FUT8: variants seen among roughly 807,000 people sequenced by gnomAD.
The protein encoded by FUT8 is alpha-(1,6)-fucosyltransferase.
FUT8 carries 29 observed loss-of-function variants against 71.3 expected under a neutral mutation model. The observed-to-expected ratio is 0.41, with a 90% CI of 0.30 to 0.55. The LOEUF (loss-of-function observed/expected upper bound fraction) is 0.55, where lower values mean the gene tolerates loss of function less well. Among genes scored for constraint, FUT8 ranks in the 20% least tolerant of loss-of-function variants. The pLI is 0.34. For missense variants in FUT8, 544 were observed against 702.1 expected, an observed-to-expected ratio of 0.77 and a Z score of 2.55; for synonymous variants, 254 against 239.3, an observed-to-expected ratio of 1.06 and a Z score of -0.57.
rs116007601 is a variant in FUT8, at chr14:65,541,517, T to C, written c.-227-19820T>C. 3.5e-3 allele frequency among the ~76,000 whole-genome samples: 531 copies of C among 152,302 alleles called. 2 individuals carry two copies. Among genetic ancestry groups the C allele is most frequent in the African/African-American group, 0.012 (507 of 41,568 alleles). The stretch of plus-strand genomic sequence containing the variant: ...AAGGCCCAACAATTAGTAGCTCTGG[T>C]ATTTGAGAGCAGGAGGTGAAAGTAC... On this transcript the variant is annotated intron_variant, in intron 2 of 10. Transcript: ENST00000673929.
In FUT8 at chr14:65,550,255, C is replaced by G. The variant is rs1594760867; in HGVS notation, c.-227-11082C>G. On this transcript the variant is annotated intron_variant, in intron 2 of 10. Coordinates refer to ENST00000673929, the MANE Select transcript of FUT8 (RefSeq NM_001371533.1). This position sits in a 1 kb window ranked among gnomAD's most constrained non-coding sequence, Gnocchi z 4.5. Reference sequence around the variant, plus strand: ...GAGAGAAGGGAGGAGATACCAGGCTCTTTTTAACAAGATCATTGTGTGTTC... The same window carrying G: ...GAGAGAAGGGAGGAGATACCAGGCTGTTTTTAACAAGATCATTGTGTGTTC... Among the ~76,000 whole-genome samples, 1 of 152,132 alleles carries G rather than the reference C, an allele frequency of 6.6e-6. No individual in the cohort carries two copies. The highest frequency in any genetic ancestry group is 1.9e-4 in the East Asian group (1 of 5,178).
intron 7 of FUT8, among the ~76,000 whole-genome samples, chr14:65,693,508 AGAGAGG>A (rs909511239): frequency 3.3e-5 from 5 of 152,180 alleles, no homozygotes; most frequent in Admixed American, 6.5e-5. Context: ...GACCGTGGAA[AGAGAGG>A]GAGAGGGAGA....
intron 2 of FUT8, among the ~76,000 whole-genome samples, chr14:65,512,907 C>CAAAAAAAA (rs35280167): frequency 3.6e-5 from 3 of 83,908 alleles, no homozygotes; most frequent in South Asian, 3.7e-4. Flanking sequence ...GACTCTGTCT[C>CAAAAAAAA]AAAAAAAAAA....
At chr14:65,696,586 T>C (rs1894008637) in intron 7 of FUT8, among the ~76,000 whole-genome samples, 1 of 152,176 alleles carries the variant, frequency 6.6e-6, no homozygotes, top group Non-Finnish European at 1.5e-5. Flanking sequence ...CTTGATGTTC[T>C]CTAGGTTTTA....
At chr14:65,542,434 G>A (rs1049354559) in intron 2 of FUT8, among the ~76,000 whole-genome samples, 1 of 152,204 alleles carries the variant, frequency 6.6e-6, no homozygotes, top group South Asian at 2.1e-4. Context: ...ATATCAAACT[G>A]AGCCATAGTA....
At chr14:65,560,428 CT>C (rs1469104719) in intron 2 of FUT8, among the ~76,000 whole-genome samples, 1 of 152,112 alleles carries the variant, frequency 6.6e-6, no homozygotes, top group Non-Finnish European at 1.5e-5. Context: ...ATTCTCCCGC[CT>C]TGTCTCCTTC....
At chr14:65,619,333 GGT>G (rs1162950063) in intron 5 of FUT8, among the ~76,000 whole-genome samples, 1 of 152,048 alleles carries the variant, frequency 6.6e-6, no homozygotes, top group Non-Finnish European at 1.5e-5. Context: ...GAGCTGTGGG[GGT>G]AAGACTCCTC....
intron 2 of FUT8, among the ~76,000 whole-genome samples, chr14:65,500,370 A>G (rs1171879667): frequency 6.6e-6 from 1 of 151,976 alleles, no homozygotes; most frequent in Non-Finnish European, 1.5e-5. Context: ...CATCATCATC[A>G]TTTTTTCTTT....
intron 7 of FUT8, among the ~76,000 whole-genome samples, chr14:65,699,198 A>ACACG (rs1894160314): frequency 1.4e-5 from 2 of 145,910 alleles, no homozygotes; most frequent in African/African-American, 2.5e-5. Context: ...ACACACACAC[A>ACACG]CGCCCATGCA....
At chr14:65,513,949 A>T (rs113836882) in intron 2 of FUT8, among the ~76,000 whole-genome samples, 2 of 152,354 alleles carry the variant, frequency 1.3e-5, no homozygotes, top group African/African-American at 4.8e-5. Context: ...TATAAGTAAC[A>T]TACATCCCAT....
chr14:65,425,537 C>T (rs549014270), intron 1 of FUT8, among the ~76,000 whole-genome samples: 1 of 146,628 alleles, frequency 6.8e-6, no homozygotes, highest in East Asian at 2.1e-4. Context: ...GTATAATTGG[C>T]AAATAAAAAT....
At chr14:65,418,681 G>A (rs2065252395) in intron 1 of FUT8, among the ~76,000 whole-genome samples, 1 of 151,950 alleles carries the variant, frequency 6.6e-6, no homozygotes, top group South Asian at 2.1e-4. Context: ...AGATGAAGGA[G>A]ATTTATTCAG....
At chr14:65,448,644 C>T (rs1208305374) in intron 1 of FUT8, among the ~76,000 whole-genome samples, 1 of 152,024 alleles carries the variant, frequency 6.6e-6, no homozygotes, top group Non-Finnish European at 1.5e-5. Context: ...AGGCTCTGTT[C>T]TCATGGTGTG....
Position 65,587,203 on chromosome 14 carries a change from C to A in FUT8, c.203+25437C>A, listed in dbSNP as rs965635398. 8.7e-4 allele frequency among the ~76,000 whole-genome samples: 127 copies of A among 145,860 alleles called. No homozygotes were observed. In the South Asian group the frequency reaches 0.014, roughly 16 times the overall value. On this transcript the variant is annotated intron_variant, in intron 3 of 10. Coordinates refer to ENST00000673929, the MANE Select transcript of FUT8 (RefSeq NM_001371533.1). ...GACTCTGTCTCAAAAAAAAAAAAAA[C>A]AAAAAAAACTAATTTTTACAAAAAT...
At chr14:65,390,671 C>T in the FUT8 span, among the ~76,000 whole-genome samples, 1 of 151,626 alleles carries the variant, frequency 6.6e-6, no homozygotes, top group African/African-American at 2.4e-5. Context: ...ACTTTTACTA[C>T]TATCACCCCA....
intron 7 of FUT8, among the ~76,000 whole-genome samples, chr14:65,693,866 T>A (rs2140452654): frequency 6.6e-6 from 1 of 152,338 alleles, no homozygotes; most frequent in African/African-American, 2.4e-5. Flanking sequence ...ATTTCTTTGA[T>A]CAATATAGAG....
chr14:65,677,168 GCGCA>G (rs1566890700), intron 7 of FUT8, among the ~76,000 whole-genome samples: 2 of 120,126 alleles, frequency 1.7e-5, no homozygotes, highest in Non-Finnish European at 3.3e-5. Flanking sequence ...GCGCATGCGC[GCGCA>G]CGTATGTGTG....
intron 7 of FUT8, among the ~76,000 whole-genome samples, chr14:65,695,508 T>C (rs80141694): frequency 6.6e-6 from 1 of 152,206 alleles, no homozygotes; most frequent in Non-Finnish European, 1.5e-5. Flanking sequence ...TGATAATTTT[T>C]CTTGCTCTGA....
rs1320225674 is a variant in FUT8, at chr14:65,724,294, C to T, written c.1230C>T (p.Asp410=). The change falls in exon 9 of 11, where the codon GAC becomes GAT. Residue 410 remains aspartate (D), a synonymous_variant. Coordinates refer to ENST00000673929, the MANE Select transcript of FUT8 (RefSeq NM_001371533.1). The part of the protein sequence containing the change: ...DKKRVYLATD[D]PSLLKEAKTK... ...AAAGAGTGTATTTGGCCACAGATGA[C>T]CCTTCTTTATTAAAGGAGGCAAAAA... 1 of 1,608,962 alleles carries T rather than the reference C, an allele frequency of 6.2e-7. No homozygotes were observed. The highest frequency in any genetic ancestry group is 1.3e-5 in the African/African-American group (1 of 74,724).
Sources: gnomAD v4.1 joint callset for allele counts (sites outside exome capture counted in the v4.1 genomes callset) on GRCh38, gnomAD v4.1.1 for gene constraint, Gnocchi (gnomAD v3.1) non-coding constraint, MANE v1.5 for transcripts, NCBI Gene and HGNC (gene_info 2026-07-23, HGNC 2026-07-21) for gene names.